The following CDH12 variants were observed in gnomAD, a reference collection of about 807,000 sequenced individuals.
The protein encoded by CDH12 is cadherin 12.
CDH12 carries 41 observed loss-of-function variants against 74.1 expected under a neutral mutation model. The ratio of observed to expected loss-of-function variants is 0.55; its 90% CI spans 0.43 to 0.72. The LOEUF is 0.72. Among genes scored for constraint, CDH12 ranks in the 30% least tolerant of loss-of-function variants. The pLI is 0.00. For synonymous variants in CDH12, 399 were observed against 355.0 expected, an observed-to-expected ratio of 1.12 and a Z score of -1.39; for missense variants, 945 against 977.2, an observed-to-expected ratio of 0.97 and a Z score of 0.44.
intron 1 of CDH12, among the ~76,000 whole-genome samples, chr5:22,682,262 A>G (rs1447879254): frequency 3.9e-5 from 6 of 152,252 alleles, no homozygotes; most frequent in Admixed American, 3.9e-4. Context: ...AAATTTCAGA[A>G]TATTGCTGTT....
intron 3 of CDH12, among the ~76,000 whole-genome samples, chr5:22,266,710 T>G (rs574578899): frequency 6.6e-6 from 1 of 152,256 alleles, no homozygotes; most frequent in Non-Finnish European, 1.5e-5. Context: ...AGGAGTATTT[T>G]ATGCTACTGA....
chr5:21,974,517 T>A (rs1199128253), intron 6 of CDH12, among the ~76,000 whole-genome samples: 1 of 152,148 alleles, frequency 6.6e-6, no homozygotes, highest in Non-Finnish European at 1.5e-5. Context: ...TGTAATTTGT[T>A]AATTTGTTCT....
intron 1 of CDH12, among the ~76,000 whole-genome samples, chr5:22,619,161 C>G (rs1737839585): frequency 6.6e-6 from 1 of 152,074 alleles, no homozygotes; most frequent in Non-Finnish European, 1.5e-5. Context: ...CATTTATATC[C>G]ATGAGGACTT....
chr5:22,156,836 C>G (rs1428142629), intron 4 of CDH12, among the ~76,000 whole-genome samples: 1 of 152,062 alleles, frequency 6.6e-6, no homozygotes, highest in Non-Finnish European at 1.5e-5. Flanking sequence ...CATAATGTAG[C>G]CTGTGTTAAT....
intron 1 of CDH12, among the ~76,000 whole-genome samples, chr5:22,510,320 A>G (rs146212088): frequency 7.3e-4 from 111 of 152,282 alleles, no homozygotes; most frequent in Non-Finnish European, 1.3e-3. Context: ...AAGTTAATAG[A>G]CTTTGTTGGA....
intron 1 of CDH12, among the ~76,000 whole-genome samples, chr5:22,524,927 A>G (rs1287862910): frequency 6.6e-6 from 1 of 151,694 alleles, no homozygotes; most frequent in Non-Finnish European, 1.5e-5. Flanking sequence ...CGTCATTTAC[A>G]TTAGGTATAT....
intron 8 of CDH12, among the ~76,000 whole-genome samples, chr5:21,828,100 C>A (rs758479595): frequency 6.6e-6 from 1 of 151,408 alleles, no homozygotes; most frequent in Non-Finnish European, 1.5e-5. Context: ...TAACACCTTA[C>A]AAAATAAGCT....
chr5:22,522,171 A>G (rs927476681), intron 1 of CDH12, among the ~76,000 whole-genome samples: 1 of 152,214 alleles, frequency 6.6e-6, no homozygotes, highest in African/African-American at 2.4e-5. Flanking sequence ...CATAAGCTAA[A>G]ATTAGATTAG....
chr5:22,398,507 T>C (rs922310761), intron 3 of CDH12, among the ~76,000 whole-genome samples: 1 of 152,110 alleles, frequency 6.6e-6, no homozygotes, highest in African/African-American at 2.4e-5. Context: ...TTGGCAGTGT[T>C]GGAAGGAAAT....
rs542549741 is a variant in CDH12 at position 21,843,346 on chromosome 5, T to C, written c.647-1018A>G. 3.3e-5 allele frequency among the ~76,000 whole-genome samples: 5 copies of C among 152,226 alleles called. No homozygotes were observed. The South Asian group carries it at 8.3e-4, about 25-fold the overall frequency. On this transcript the variant is annotated intron_variant, in intron 7 of 14. Transcript: ENST00000382254. ...CAACAAACATATAGAATCCAAATCA[T>C]AAACCCAACATACATCCTTGTTTTA...
chr5:22,144,780 A>T (rs1464580847), intron 4 of CDH12, among the ~76,000 whole-genome samples: 2 of 152,118 alleles, frequency 1.3e-5, no homozygotes, highest in Non-Finnish European at 2.9e-5. Context: ...AATTAAAAAC[A>T]AATATTACCT....
intron 2 of CDH12, among the ~76,000 whole-genome samples, chr5:22,452,901 A>AAAAAAAAT (rs1561415313): frequency 1.6e-5 from 2 of 125,936 alleles, no homozygotes; most frequent in African/African-American, 2.6e-5. Context: ...AAAAAAAAAA[A>AAAAAAAAT]AAATGAGTTA....
At chr5:21,942,421 T>C (rs1418719126) in intron 6 of CDH12, among the ~76,000 whole-genome samples, 4 of 149,808 alleles carry the variant, frequency 2.7e-5, no homozygotes, top group Non-Finnish European at 5.9e-5. Context: ...TTAGGAAAAG[T>C]AGTAAATCTA....
At chr5:22,757,836 A>G (rs1489361120) in intron 1 of CDH12, among the ~76,000 whole-genome samples, 2 of 152,182 alleles carry the variant, frequency 1.3e-5, no homozygotes, top group Admixed American at 1.3e-4. Context: ...CCTTTCATGC[A>G]TTACACTGCC....
chr5:22,207,229 A>C (rs28580339), intron 4 of CDH12, among the ~76,000 whole-genome samples: 1 of 151,286 alleles, frequency 6.6e-6, no homozygotes, highest in Non-Finnish European at 1.5e-5. Flanking sequence ...AAAAAAAAAA[A>C]AGAAAAAAAA....
chr5:21,772,633 T>C (rs1745383437), intron 11 of CDH12, among the ~76,000 whole-genome samples: 1 of 152,194 alleles, frequency 6.6e-6, no homozygotes, highest in Non-Finnish European at 1.5e-5. Context: ...GTAAGTATCA[T>C]CATATACTAT....
At chr5:21,914,555 C>G (rs1229698576) in intron 6 of CDH12, among the ~76,000 whole-genome samples, 1 of 152,096 alleles carries the variant, frequency 6.6e-6, no homozygotes, top group East Asian at 1.9e-4. Context: ...TGAATTGGCT[C>G]ATGTGATTAT....
At chr5:22,067,093 A>C (rs1441659072) in intron 5 of CDH12, among the ~76,000 whole-genome samples, 12 of 152,182 alleles carry the variant, frequency 7.9e-5, no homozygotes, top group Non-Finnish European at 1.8e-4. Flanking sequence ...TTAACTCTTT[A>C]GTCCTATGCC....
chr5:21,862,675 A>G (rs1031865675), intron 6 of CDH12, among the ~76,000 whole-genome samples: 1 of 152,208 alleles, frequency 6.6e-6, no homozygotes, highest in Non-Finnish European at 1.5e-5. Flanking sequence ...TTCTAGCATG[A>G]CAGTTTTGTA....
Sources: allele counts gnomAD v4.1 joint callset (sites outside exome capture counted in the v4.1 genomes callset), GRCh38; gene constraint gnomAD v4.1.1; transcripts MANE v1.5; gene names NCBI Gene and HGNC (gene_info 2026-07-23, HGNC 2026-07-21).